Variants in PTK2B observed in about 807,000 individuals in gnomAD.
PTK2B encodes the protein protein-tyrosine kinase 2-beta.
PTK2B carries 71 observed loss-of-function variants against 142.9 expected under a neutral mutation model. That is an observed-to-expected ratio of 0.50 (90% confidence interval 0.41 to 0.61). PTK2B has a LOEUF of 0.61. Among genes scored for constraint, PTK2B ranks in the 20% least tolerant of loss-of-function variants. PTK2B has a pLI of 0.00. For synonymous variants in PTK2B, 519 were observed against 503.4 expected, an observed-to-expected ratio of 1.03 and a Z score of -0.42; for missense variants, 1,105 against 1,320.4, an observed-to-expected ratio of 0.84 and a Z score of 2.53.
At chr8:27,321,394 C>A (rs1803213946), upstream of PTK2B, among the ~76,000 whole-genome samples, 1 of 152,194 alleles carries the variant, frequency 6.6e-6, no homozygotes, top group South Asian at 2.1e-4. Context: ...GTCATAGTAT[C>A]ACCGATGCAG....
At chr8:27,325,163 CG>C (rs1055522443), upstream of PTK2B, among the ~76,000 whole-genome samples, 1 of 152,184 alleles carries the variant, frequency 6.6e-6, no homozygotes, top group Non-Finnish European at 1.5e-5. Context: ...TCTCCCACTG[CG>C]GGGGGTCTTG....
intron 1 of PTK2B, among the ~76,000 whole-genome samples, chr8:27,339,581 A>G (rs968206053): frequency 6.6e-6 from 1 of 152,234 alleles, no homozygotes; most frequent in Non-Finnish European, 1.5e-5. Flanking sequence ...GCACAGAGAC[A>G]TGGGCGAAAG....
chr8:27,316,023 T>G (rs1803087078), intron 3 of PTK2B, among the ~76,000 whole-genome samples: 1 of 152,148 alleles, frequency 6.6e-6, no homozygotes. Flanking sequence ...TGTCACCAAT[T>G]TATATTTCTC....
intron 3 of PTK2B, among the ~76,000 whole-genome samples, chr8:27,317,718 C>T (rs1726905543): frequency 1.3e-5 from 2 of 152,206 alleles, no homozygotes; most frequent in Admixed American, 1.3e-4. Flanking sequence ...ATTTGTTCTC[C>T]CATTTGCCAC....
chr8:27,445,932 T>G lies in PTK2B; in HGVS notation c.2340+13T>G. 1 of 1,612,792 alleles carries G rather than the reference T, an allele frequency of 6.2e-7. No individual in the cohort carries two copies. Among genetic ancestry groups the G allele is most frequent in the Non-Finnish European group, 8.5e-7 (1 of 1,180,012 alleles). On this transcript the variant is annotated intron_variant, in intron 24 of 30. Coordinates refer to ENST00000346049, the MANE Select transcript of PTK2B (RefSeq NM_173176.3). ...CCACAGCATGCGGGTAAGAGGGCTC[T>G]GCATGCTGGTCCCTGCCCGGACTGA... is the stretch of plus-strand genomic sequence containing the variant.
chr8:27,334,802 TGAA>T (rs1803962167), intron 1 of PTK2B, among the ~76,000 whole-genome samples: 1 of 152,228 alleles, frequency 6.6e-6, no homozygotes, highest in Admixed American at 6.5e-5. Flanking sequence ...CCGAGTCTCT[TGAA>T]TTCTTGCCCT....
intron 1 of PTK2B, among the ~76,000 whole-genome samples, chr8:27,346,296 G>T (rs1324466803): frequency 6.6e-6 from 1 of 152,160 alleles, no homozygotes; most frequent in Non-Finnish European, 1.5e-5. Flanking sequence ...TAGCACTTGG[G>T]AGGCTGAGGT....
chr8:27,334,705 C>T (rs1055028743), intron 1 of PTK2B, among the ~76,000 whole-genome samples: 2 of 152,184 alleles, frequency 1.3e-5, no homozygotes, highest in African/African-American at 2.4e-5. Flanking sequence ...TCATGCCTGG[C>T]TCACACGGAG....
chr8:27,341,626 A>G (rs1428258883), intron 1 of PTK2B, among the ~76,000 whole-genome samples: 2 of 152,122 alleles, frequency 1.3e-5, no homozygotes, highest in Non-Finnish European at 2.9e-5. Context: ...CCTTCAGCAT[A>G]GCATGGAGTC....
intron 1 of PTK2B, among the ~76,000 whole-genome samples, chr8:27,375,464 T>G (rs755848155): frequency 6.6e-6 from 1 of 152,146 alleles, no homozygotes; most frequent in Non-Finnish European, 1.5e-5. Flanking sequence ...CCATCATCAT[T>G]TCTGTTCAAA....
chr8:27,418,382 A>G (rs1435681993), intron 2 of PTK2B, among the ~76,000 whole-genome samples: 2 of 152,260 alleles, frequency 1.3e-5, no homozygotes, highest in Non-Finnish European at 2.9e-5. Flanking sequence ...AGAGAGAAAG[A>G]AATTTATTTA....
rs367873882 is a variant in PTK2B, at chr8:27,348,736, A to G, written c.-38+23055A>G. Among the ~76,000 whole-genome samples the G allele has an allele frequency of 2.0e-5, 3 of 151,896 alleles. No individual in the cohort carries two copies. In the East Asian group the frequency reaches 5.8e-4, roughly 29 times the overall value. ...AATATCTTTGTGGGGGCGGCTGGGT[A>G]GGTGGTTCTTGAAGGGCCGGATCTC... On this transcript the variant is annotated intron_variant, in intron 1 of 30. Transcript: ENST00000346049.
At chr8:27,425,150 C>G (rs1416802324) in intron 5 of PTK2B, among the ~76,000 whole-genome samples, 4 of 151,216 alleles carry the variant, frequency 2.6e-5, no homozygotes, top group Admixed American at 6.6e-5. Flanking sequence ...CATATATATG[C>G]TACTATATAA....
intron 18 of PTK2B, chr8:27,438,081 T>C: frequency 3.6e-6 from 2 of 552,346 alleles, no homozygotes; most frequent in Non-Finnish European, 6.5e-6. Flanking sequence ...ATGTACCTCA[T>C]GGGGTTGTTA....
chr8:27,393,503 G>C (rs1017435768), intron 1 of PTK2B, among the ~76,000 whole-genome samples: 3 of 152,116 alleles, frequency 2.0e-5, no homozygotes, highest in Non-Finnish European at 4.4e-5. Context: ...GCACGCTGAT[G>C]ATGTGTCTGG....
chr8:27,374,502 G>A (rs187555697), intron 1 of PTK2B, among the ~76,000 whole-genome samples: 3 of 152,342 alleles, frequency 2.0e-5, no homozygotes, highest in East Asian at 3.9e-4. Flanking sequence ...TGTGATTTCT[G>A]TGGGAAGGAA....
chr8:27,361,108 C>G (rs150759508), intron 1 of PTK2B, among the ~76,000 whole-genome samples: 43 of 152,310 alleles, frequency 2.8e-4, no homozygotes, highest in African/African-American at 1.0e-3. Flanking sequence ...TTTCCTATCC[C>G]TCACCCCCTT....
In PTK2B at chr8:27,449,033, G is replaced by A. The variant is rs141880232; in HGVS notation, c.2341-1716G>A. Among the ~76,000 whole-genome samples the A allele has an allele frequency of 2.2e-3, 332 of 152,308 alleles. 3 individuals are homozygous for A. In the Middle Eastern group the frequency reaches 0.044, roughly 20 times the overall value. On this transcript the variant is annotated intron_variant, in intron 24 of 30. Transcript: ENST00000346049. ...TGGCAGCATTTTTGTTACAACTGGGGTGGTGCTATAGGCATATATTGTGGG... is the reference window on the plus strand; with the variant it reads ...TGGCAGCATTTTTGTTACAACTGGGATGGTGCTATAGGCATATATTGTGGG...
In PTK2B at chr8:27,398,931, C is replaced by T. The variant is rs76671847; in HGVS notation, c.204+1143C>T. ...CATGGCCAGTTATCACCATTGATTA[C>T]AGTTTGATTGGCTCTCTCTGTTTCC... On this transcript the variant is annotated intron_variant, in intron 2 of 30. Coordinates refer to ENST00000346049, the MANE Select transcript of PTK2B (RefSeq NM_173176.3). Among the ~76,000 whole-genome samples, 480 of 152,322 alleles carry T rather than the reference C, an allele frequency of 3.2e-3. 10 individuals are homozygous for T. In the East Asian group the frequency reaches 0.036, roughly 11 times the overall value.
Sources: allele counts gnomAD v4.1 joint callset (sites outside exome capture counted in the v4.1 genomes callset), GRCh38; gene constraint gnomAD v4.1.1; transcripts MANE v1.5; gene names NCBI Gene and HGNC (gene_info 2026-07-23, HGNC 2026-07-21).